SLC24A2: variants seen among roughly 807,000 people sequenced by gnomAD.
SLC24A2 encodes sodium/potassium/calcium exchanger 2.
A neutral mutation model predicts 62.0 loss-of-function variants in SLC24A2; 36 were observed. The observed-to-expected ratio is 0.58, with a 90% CI of 0.44 to 0.77. The LOEUF is 0.77. Among genes scored for constraint, SLC24A2 ranks in the 30% least tolerant of loss-of-function variants. The pLI is 0.00. For synonymous variants in SLC24A2, 358 were observed against 294.0 expected, an observed-to-expected ratio of 1.22 and a Z score of -2.23; for missense variants, 846 against 817.9, an observed-to-expected ratio of 1.03 and a Z score of -0.42.
At chr9:20,218,073 G>A in the SLC24A2 span, among the ~76,000 whole-genome samples, 1 of 152,160 alleles carries the variant, frequency 6.6e-6, no homozygotes, top group Non-Finnish European at 1.5e-5. Context: ...TTCCACAGAG[G>A]AGTGCCTGCA....
At chr9:19,627,196 T>C (rs1818055694) in intron 2 of SLC24A2, among the ~76,000 whole-genome samples, 1 of 152,074 alleles carries the variant, frequency 6.6e-6, no homozygotes, top group South Asian at 2.1e-4. Flanking sequence ...TTTAAAGAAA[T>C]ACACTGGGAT....
the SLC24A2 span, among the ~76,000 whole-genome samples, chr9:20,260,849 C>CTTTTTTTTTTTTTTT: frequency 7.8e-5 from 7 of 90,280 alleles, no homozygotes; most frequent in African/African-American, 3.3e-4. Context: ...ATCATTCTTT[C>CTTTTTTTTTTTTTTT]TTTTTTTTTT....
the SLC24A2 span, among the ~76,000 whole-genome samples, chr9:19,912,834 C>A: frequency 6.6e-6 from 1 of 152,004 alleles, no homozygotes; most frequent in Non-Finnish European, 1.5e-5. Flanking sequence ...CTATTTTGTC[C>A]CAAAATGATG....
intron 2 of SLC24A2, among the ~76,000 whole-genome samples, chr9:19,763,577 G>A (rs1182548500): frequency 6.6e-6 from 1 of 152,166 alleles, no homozygotes; most frequent in East Asian, 1.9e-4. Context: ...TAATCATGTA[G>A]TTTTGTCACT....
At chr9:20,046,317 G>C in the SLC24A2 span, among the ~76,000 whole-genome samples, 2 of 152,350 alleles carry the variant, frequency 1.3e-5, no homozygotes, top group Non-Finnish European at 2.9e-5. Flanking sequence ...GAAAGGGACA[G>C]GCAGACAGGC....
chr9:19,597,550 G>A (rs981891215), intron 4 of SLC24A2, among the ~76,000 whole-genome samples: 3 of 152,102 alleles, frequency 2.0e-5, no homozygotes, highest in Non-Finnish European at 4.4e-5. Flanking sequence ...ATGAAACAGA[G>A]TATTTGGCAA....
intron 7 of SLC24A2, among the ~76,000 whole-genome samples, chr9:19,558,388 C>G (rs539327410): frequency 6.6e-6 from 1 of 152,194 alleles, no homozygotes; most frequent in Non-Finnish European, 1.5e-5. Flanking sequence ...CTTTTAGCAT[C>G]TCTACCCAAG....
chr9:20,162,053 A>C, the SLC24A2 span, among the ~76,000 whole-genome samples: 1 of 151,758 alleles, frequency 6.6e-6, no homozygotes, highest in Non-Finnish European at 1.5e-5. Flanking sequence ...ATAAAACTTA[A>C]ATAATTCAGC....
chr9:19,741,227 G>T (rs907974054), intron 2 of SLC24A2, among the ~76,000 whole-genome samples: 7 of 152,174 alleles, frequency 4.6e-5, no homozygotes, highest in Admixed American at 3.3e-4. Context: ...TGACACTTGA[G>T]AGGATATTTT....
the SLC24A2 span, among the ~76,000 whole-genome samples, chr9:20,159,330 C>G: frequency 6.6e-6 from 1 of 151,574 alleles, no homozygotes; most frequent in Non-Finnish European, 1.5e-5. Context: ...AATTTTAATA[C>G]CTTGCATATA....
At chr9:20,224,158 C>T in the SLC24A2 span, among the ~76,000 whole-genome samples, 55 of 152,012 alleles carry the variant, frequency 3.6e-4, no homozygotes, top group Non-Finnish European at 7.1e-4. Flanking sequence ...GGTGGGGACA[C>T]AGAGCCAAAC....
chr9:19,727,087 T>A (rs751748498), intron 2 of SLC24A2, among the ~76,000 whole-genome samples: 7 of 152,170 alleles, frequency 4.6e-5, no homozygotes, highest in Non-Finnish European at 8.8e-5. Context: ...AAAGATTGTA[T>A]CACCTTATTT....
chr9:20,124,631 C>A, the SLC24A2 span, among the ~76,000 whole-genome samples: 1 of 152,180 alleles, frequency 6.6e-6, no homozygotes, highest in Non-Finnish European at 1.5e-5. Flanking sequence ...CCCTCACCTA[C>A]CCACTTCTCA....
intron 2 of SLC24A2, among the ~76,000 whole-genome samples, chr9:19,672,729 T>C (rs148177353): frequency 6.8e-6 from 1 of 146,208 alleles, no homozygotes; most frequent in Non-Finnish European, 1.5e-5. Context: ...TTTGATAGGT[T>C]GTGTCACTAT....
At chr9:19,545,484 G>C (rs986795525) in intron 8 of SLC24A2, among the ~76,000 whole-genome samples, 5 of 152,046 alleles carry the variant, frequency 3.3e-5, no homozygotes, top group Admixed American at 2.0e-4. Context: ...GTGAGGAGTT[G>C]TCATCCTTGA....
the SLC24A2 span, among the ~76,000 whole-genome samples, chr9:19,978,406 G>A: frequency 6.6e-6 from 1 of 151,414 alleles, no homozygotes; most frequent in Admixed American, 6.6e-5. Context: ...CCCTTCCCTC[G>A]CCCCTCTTTT....
chr9:20,250,446 A>G, the SLC24A2 span, among the ~76,000 whole-genome samples: 1 of 152,236 alleles, frequency 6.6e-6, no homozygotes, highest in Non-Finnish European at 1.5e-5. Context: ...CTTCTTTAAT[A>G]GATCCCTTCA....
chr9:19,633,304 G>A (rs1307638257), intron 2 of SLC24A2, among the ~76,000 whole-genome samples: 3 of 152,138 alleles, frequency 2.0e-5, no homozygotes, highest in Non-Finnish European at 4.4e-5. Flanking sequence ...ATTTATCTGG[G>A]ATATATGCCC....
chr9:20,300,161 T>C, the SLC24A2 span, among the ~76,000 whole-genome samples: 35 of 152,244 alleles, frequency 2.3e-4, no homozygotes, highest in Non-Finnish European at 3.4e-4. Flanking sequence ...TATGTATTTA[T>C]GGGGTACATG....
Sources: allele counts gnomAD v4.1 joint callset (sites outside exome capture counted in the v4.1 genomes callset), GRCh38; gene constraint gnomAD v4.1.1; transcripts MANE v1.5; gene names NCBI Gene and HGNC (gene_info 2026-07-23, HGNC 2026-07-21).